NAV3: variants seen among roughly 807,000 people sequenced by gnomAD.
NAV3 encodes the protein neuron navigator 3, also known as pore membrane and/or filament interacting like protein 1.
A neutral mutation model predicts 244.7 loss-of-function variants in NAV3; 87 were observed. The observed-to-expected ratio is 0.36, with a 90% CI of 0.30 to 0.42. The LOEUF (loss-of-function observed/expected upper bound fraction) is 0.42, where lower values mean the gene tolerates loss of function less well. Ranked by LOEUF, NAV3 falls within the 20% of genes least tolerant of loss-of-function variation. The pLI is 1.00. For synonymous variants in NAV3, 1,126 were observed against 1,042.2 expected (o/e 1.08, Z -1.55); for missense variants, 2,663 against 2,893.3 (o/e 0.92, Z 1.83).
At chr12:77,604,937 G>T (rs1870604709) in intron 2 of NAV3, among the ~76,000 whole-genome samples, 3 of 152,010 alleles carry the variant, frequency 2.0e-5, no homozygotes, top group African/African-American at 7.2e-5. Flanking sequence ...ACTGCAAAAT[G>T]GTTTGCTTTA....
At chr12:78,086,194 AT>A (rs1345280191) in intron 12 of NAV3, among the ~76,000 whole-genome samples, 5 of 152,226 alleles carry the variant, frequency 3.3e-5, no homozygotes, top group Admixed American at 2.6e-4. Context: ...TAAGCAATTA[AT>A]TGGTATAAGT....
chr12:77,643,132 C>T lies in NAV3; in HGVS notation c.72+70866C>T, dbSNP rs376605665. Among the ~76,000 whole-genome samples, 44 of 152,004 alleles carry T rather than the reference C, an allele frequency of 2.9e-4. 1 individual carries two copies. The East Asian group carries it at 7.9e-3, about 27-fold the overall frequency. ...AAAAACATATTCTCATACTCTATAACCTCCTTGATAAAACATGTCTTAAAT... is the reference window on the plus strand; with the variant it reads ...AAAAACATATTCTCATACTCTATAATCTCCTTGATAAAACATGTCTTAAAT... On this transcript the variant is annotated intron_variant, in intron 2 of 8. Transcript: ENST00000550042.
chr12:77,926,256 T>G (rs1888204939), intron 1 of NAV3, among the ~76,000 whole-genome samples: 1 of 152,162 alleles, frequency 6.6e-6, no homozygotes, highest in East Asian at 1.9e-4. Context: ...TAACCTATCT[T>G]GAAACACCTT....
chr12:77,884,120 T>C (rs1882998367), intron 1 of NAV3, among the ~76,000 whole-genome samples: 2 of 152,240 alleles, frequency 1.3e-5, no homozygotes, highest in South Asian at 4.1e-4. Flanking sequence ...GGATGATCTT[T>C]AGAACGGTGC....
Position 78,177,206 on chromosome 12 carries a change from T to C in NAV3, c.5190T>C (p.Ser1730=). 6.2e-7 allele frequency: 1 copy of C among 1,613,522 alleles called. No individual in the cohort carries two copies. Among genetic ancestry groups the C allele is most frequent in the Non-Finnish European group, 8.5e-7 (1 of 1,179,608 alleles). The change falls in exon 27 of 40, where the codon TCT becomes TCC. Residue 1730 remains serine, a synonymous_variant. Transcript: ENST00000397909. The stretch of plus-strand genomic sequence containing the variant: ...CCACCAAGCCTCCTTCATCACATTC[T>C]GACATTGAAGAGCTTACTGATTCAT... ...KKSTKPPSSH[S]DIEELTDSSL...
At chr12:77,846,515 A>C (rs2136212366) in intron 1 of NAV3, among the ~76,000 whole-genome samples, 1 of 152,312 alleles carries the variant, frequency 6.6e-6, no homozygotes, top group African/African-American at 2.4e-5. Flanking sequence ...GAGATTCTTC[A>C]GTCCCAGGCA....
At chr12:77,801,528 T>G (rs1276951552) in intron 2 of NAV3, among the ~76,000 whole-genome samples, 1 of 152,098 alleles carries the variant, frequency 6.6e-6, no homozygotes, top group Non-Finnish European at 1.5e-5. Context: ...ACAGTACAAA[T>G]TTTCAGAGAT....
At chr12:77,969,141 G>T (rs1892773122) in intron 5 of NAV3, among the ~76,000 whole-genome samples, 1 of 96,660 alleles carries the variant, frequency 1.0e-5, no homozygotes, top group Admixed American at 1.1e-4. Flanking sequence ...TAGTGTTTTT[G>T]ATGTGTGTGT....
chr12:77,768,014 C>T (rs1869868466), intron 2 of NAV3, among the ~76,000 whole-genome samples: 1 of 152,158 alleles, frequency 6.6e-6, no homozygotes, highest in South Asian at 2.1e-4. Flanking sequence ...TCTCAGGAGA[C>T]CTGAAGTGGG....
intron 2 of NAV3, among the ~76,000 whole-genome samples, chr12:77,769,176 G>T (rs1349656119): frequency 6.6e-6 from 1 of 152,182 alleles, no homozygotes; most frequent in Non-Finnish European, 1.5e-5. Flanking sequence ...ATCAAGGCAG[G>T]TCATTTCCAG....
At chr12:77,932,860 G>A (rs1461841826) in intron 1 of NAV3, among the ~76,000 whole-genome samples, 11 of 151,990 alleles carry the variant, frequency 7.2e-5, no homozygotes, top group Admixed American at 7.2e-4. Flanking sequence ...CCCATGTTCT[G>A]GCCAAATAGA....
At chr12:77,784,226 T>C (rs1370106909) in intron 2 of NAV3, among the ~76,000 whole-genome samples, 5 of 152,148 alleles carry the variant, frequency 3.3e-5, no homozygotes, top group Admixed American at 6.6e-5. Context: ...ACAGACACTC[T>C]CTTTAGCTGC....
intron 1 of NAV3, among the ~76,000 whole-genome samples, chr12:77,911,060 G>GTACTGTGTT (rs1294412823): frequency 1.3e-5 from 2 of 152,078 alleles, no homozygotes; most frequent in Non-Finnish European, 2.9e-5. Context: ...TACCTGGGAA[G>GTACTGTGTT]TACTGTGTTT....
chr12:77,798,390 T>A (rs1043538578), intron 2 of NAV3, among the ~76,000 whole-genome samples: 1 of 152,126 alleles, frequency 6.6e-6, no homozygotes, highest in African/African-American at 2.4e-5. Context: ...CTAAGTATAA[T>A]TTAATATAAT....
chr12:77,964,924 C>A (rs1252544754), intron 3 of NAV3, among the ~76,000 whole-genome samples: 1 of 151,842 alleles, frequency 6.6e-6, no homozygotes, highest in Non-Finnish European at 1.5e-5. Context: ...TAAATAGTTT[C>A]TCTATTTTAT....
At chr12:77,825,322 T>C (rs1199602600) in intron 2 of NAV3, among the ~76,000 whole-genome samples, 1 of 152,190 alleles carries the variant, frequency 6.6e-6, no homozygotes, top group African/African-American at 2.4e-5. Context: ...AATATAAAGA[T>C]TATTCAGTTT....
intron 2 of NAV3, among the ~76,000 whole-genome samples, chr12:77,717,053 G>C (rs903939967): frequency 6.6e-6 from 1 of 152,022 alleles, no homozygotes; most frequent in Non-Finnish European, 1.5e-5. Context: ...CTGGGCTTGT[G>C]AGTGTGTGTG....
intron 2 of NAV3, among the ~76,000 whole-genome samples, chr12:77,705,831 A>G (rs955830832): frequency 1.3e-5 from 2 of 151,462 alleles, no homozygotes; most frequent in Non-Finnish European, 2.9e-5. Flanking sequence ...AAAAGTTATT[A>G]TGGCTGGATT....
chr12:78,183,158 A>AAAAAC (rs1422247883), intron 30 of NAV3, among the ~76,000 whole-genome samples: 1 of 151,948 alleles, frequency 6.6e-6, no homozygotes. Flanking sequence ...TTTTCTAGTA[A>AAAAAC]AAAACAAAAC....
Sources: gnomAD v4.1 joint callset for allele counts (sites outside exome capture counted in the v4.1 genomes callset) on GRCh38, gnomAD v4.1.1 for gene constraint, MANE v1.5 for transcripts, NCBI Gene and HGNC (gene_info 2026-07-23, HGNC 2026-07-21) for gene names.